Variants in TXNRD1 observed in about 807,000 individuals in gnomAD.
TXNRD1 encodes the protein thioredoxin reductase 1, cytoplasmic.
Under a neutral mutation model 80.3 loss-of-function variants are expected in TXNRD1, and 57 were observed. That is an observed-to-expected ratio of 0.71 (90% CI 0.57 to 0.89). The LOEUF (loss-of-function observed/expected upper bound fraction) is 0.89, where lower values mean the gene tolerates loss of function less well. Among genes scored for constraint, TXNRD1 ranks in the 40% least tolerant of loss-of-function variants. TXNRD1 has a pLI of 0.00. For synonymous variants in TXNRD1, 291 were observed against 285.2 expected (o/e 1.02, Z -0.20); for missense variants, 730 against 803.0 (o/e 0.91, Z 1.10).
At chr12:104,301,827 A>G (rs919851993) in intron 4 of TXNRD1, among the ~76,000 whole-genome samples, 6 of 152,238 alleles carry the variant, frequency 3.9e-5, no homozygotes, top group Non-Finnish European at 7.3e-5. Context: ...CCTGGGTCTC[A>G]ACTTACCTTT....
intron 2 of TXNRD1, among the ~76,000 whole-genome samples, chr12:104,255,043 G>A (rs78663295): frequency 6.6e-6 from 1 of 151,964 alleles, no homozygotes; most frequent in Non-Finnish European, 1.5e-5. Context: ...GAAGCTGAGG[G>A]GGCAGTGAGC....
chr12:104,318,897 T>G lies in TXNRD1; in HGVS notation c.731-16T>G, dbSNP rs1299086261. 4 of 1,587,988 alleles carry G rather than the reference T, an allele frequency of 2.5e-6. No homozygotes were observed. The African/African-American group carries it at 5.4e-5, about 22-fold the overall frequency. On this transcript the variant is annotated splice_polypyrimidine_tract_variant and intron_variant, in intron 7 of 16. Transcript: ENST00000525566. ...TTGAAAAGCCAAACAAGATTTTGTT[T>G]TATTTTCTTATACAGTTAAGCATGA...
At chr12:104,287,144 G>A (rs2033995652) in intron 3 of TXNRD1, 1 of 1,531,176 alleles carries the variant, frequency 6.5e-7, no homozygotes, top group Non-Finnish European at 8.7e-7. Context: ...AGACAAAGCC[G>A]CGAGCCCAGG....
rs1482296329 is a variant in TXNRD1, at chr12:104,241,978, G to A, written c.92-9549G>A. Among the ~76,000 whole-genome samples the A allele has an allele frequency of 3.3e-4, 35 of 107,090 alleles. 1 individual carries two copies. The highest frequency in any genetic ancestry group is 2.3e-3 in the Admixed American group (16 of 6,912). The allele number at this position is 107,090 out of a possible 152,430, so 70.3% of individuals were successfully genotyped here. A position where few individuals can be genotyped will look rare whatever the true frequency, so the allele number is the denominator to read the frequency against. On this transcript the variant is annotated intron_variant, in intron 1 of 16. Coordinates refer to ENST00000525566, the MANE Select transcript of TXNRD1 (RefSeq NM_001093771.3). ...TTTTTTGAGATGGAGTCTCACTGTC[G>A]CCCAGACTAGAGTGCAGGGCACGAT...
intron 4 of TXNRD1, chr12:104,303,841 C>T (rs1862786244): frequency 7.0e-7 from 1 of 1,438,578 alleles, no homozygotes; most frequent in African/African-American, 1.4e-5. Context: ...AAAAAGCTTC[C>T]CGGAAGGGAG....
chr12:104,234,458 C>A (rs2032690062), intron 1 of TXNRD1, among the ~76,000 whole-genome samples: 1 of 151,896 alleles, frequency 6.6e-6, no homozygotes, highest in African/African-American at 2.4e-5. Context: ...CCATGCCTGG[C>A]AAATTTTTGT....
intron 3 of TXNRD1, chr12:104,262,524 C>T (rs1403098166): frequency 6.6e-6 from 1 of 152,146 alleles, no homozygotes; most frequent in African/African-American, 2.4e-5. Context: ...CAAAAGAACC[C>T]TCCATAGGCA....
intron 16 of TXNRD1, 193 bp downstream of exon 16, chr12:104,339,466 T>G (rs765529004): frequency 1.3e-6 from 1 of 773,070 alleles, no homozygotes; most frequent in Admixed American, 1.7e-5. Context: ...GCTTCCGTCA[T>G]GTCGTTAAGT....
At position 104,330,689 on chromosome 12, in the gene TXNRD1, C is replaced by T. The variant is rs35963632; in HGVS notation, c.1543-845C>T. ...GCAACCTCTGCCTCCCGGGTTCAAGCGATTCTCCTGCCTCAGCCTCCCGAG... is the reference window on the plus strand; with the variant it reads ...GCAACCTCTGCCTCCCGGGTTCAAGTGATTCTCCTGCCTCAGCCTCCCGAG... On this transcript the variant is annotated intron_variant, in intron 13 of 16. Coordinates refer to ENST00000525566, the MANE Select transcript of TXNRD1 (RefSeq NM_001093771.3). Among the ~76,000 whole-genome samples, 1,243 of 152,166 alleles carry T rather than the reference C, an allele frequency of 8.2e-3. 12 individuals are homozygous for T. The highest frequency in any genetic ancestry group is 0.012 in the Non-Finnish European group (824 of 68,002).
At chr12:104,219,062 C>T (rs2032287200) in intron 1 of TXNRD1, among the ~76,000 whole-genome samples, 1 of 152,182 alleles carries the variant, frequency 6.6e-6, no homozygotes, top group African/African-American at 2.4e-5. Context: ...CCTGCCTCAG[C>T]TTCCTGAGTA....
intron 9 of TXNRD1, 48 bp downstream of exon 9, chr12:104,319,633 G>A (rs2035459562): frequency 1.5e-6 from 2 of 1,379,234 alleles, no homozygotes; most frequent in Non-Finnish European, 2.0e-6. Flanking sequence ...TGTGGATATT[G>A]CTTTCGCATT....
intron 1 of TXNRD1, among the ~76,000 whole-genome samples, chr12:104,216,355 A>G (rs2032209957): frequency 6.6e-6 from 1 of 152,164 alleles, no homozygotes; most frequent in Non-Finnish European, 1.5e-5. Flanking sequence ...CACTCCCAGC[A>G]TCCTCCTCCA....
chr12:104,278,889 C>A (rs1365869865), intron 3 of TXNRD1, among the ~76,000 whole-genome samples: 1 of 152,062 alleles, frequency 6.6e-6, no homozygotes, highest in Admixed American at 6.6e-5. Context: ...TTCTCCTTTT[C>A]TCTGTGAAAA....
chr12:104,341,063 C>G (rs952832209), intron 16 of TXNRD1, among the ~76,000 whole-genome samples: 3 of 152,108 alleles, frequency 2.0e-5, no homozygotes, highest in Admixed American at 6.6e-5. Flanking sequence ...CCAGCAGCAG[C>G]GTACATGGCA....
chr12:104,251,793 C>T (rs148714014), intron 2 of TXNRD1, 115 bp downstream of exon 2: 17,795 of 1,191,880 alleles, frequency 0.015, 194 homozygotes, highest in Middle Eastern at 0.02. Flanking sequence ...AGGCTGGGCG[C>T]GGTGGCTCAC....
At chr12:104,219,697 G>A (rs907541955) in intron 1 of TXNRD1, among the ~76,000 whole-genome samples, 2 of 152,008 alleles carry the variant, frequency 1.3e-5, no homozygotes, top group African/African-American at 2.4e-5. Context: ...AATGTGTTTT[G>A]TTCACTATCT....
Position 104,335,156 on chromosome 12 carries a change from A to G in TXNRD1, c.1746+824A>G, listed in dbSNP as rs1226530427. 3.3e-5 allele frequency among the ~76,000 whole-genome samples: 5 copies of G among 149,862 alleles called. No individual in the cohort carries two copies. In the East Asian group the frequency reaches 9.8e-4, roughly 29 times the overall value. ...ACTTTATTCATACCATAAACCCCCA[A>G]CTGTCCAGGTGAATAAGAGTACAAT... On this transcript the variant is annotated intron_variant, in intron 15 of 16. Transcript: ENST00000525566.
At chr12:104,281,348 T>C (rs1204521154) in intron 3 of TXNRD1, among the ~76,000 whole-genome samples, 1 of 151,962 alleles carries the variant, frequency 6.6e-6, no homozygotes, top group Non-Finnish European at 1.5e-5. Context: ...CATCTCTAGC[T>C]TGGACCAGGA....
intron 1 of TXNRD1, among the ~76,000 whole-genome samples, chr12:104,243,069 G>C (rs2135696342): frequency 6.6e-6 from 1 of 152,188 alleles, no homozygotes; most frequent in African/African-American, 2.4e-5. Flanking sequence ...GCTATAAACA[G>C]GATATTGTAG....
Sources: gnomAD v4.1 joint callset for allele counts (sites outside exome capture counted in the v4.1 genomes callset) on GRCh38, gnomAD v4.1.1 for gene constraint, MANE v1.5 for transcripts, NCBI Gene and HGNC (gene_info 2026-07-23, HGNC 2026-07-21) for gene names.